Variants in SETBP1 observed in about 807,000 individuals in gnomAD.
SETBP1 encodes the protein SET binding protein 1.
SETBP1 carries 9 observed loss-of-function variants against 101.0 expected under a neutral mutation model. The ratio of observed to expected loss-of-function variants is 0.09; its 90% CI spans 0.05 to 0.16. The LOEUF is 0.16. Among genes scored for constraint, SETBP1 ranks in the 10% least tolerant of loss-of-function variants. The pLI is 1.00. For missense variants in SETBP1, 1,858 were observed against 2,033.8 expected, an observed-to-expected ratio of 0.91 and a Z score of 1.66; for synonymous variants, 818 against 788.5, an observed-to-expected ratio of 1.04 and a Z score of -0.63.
chr18:45,042,545 T>C (rs1350811327), intron 5 of SETBP1, among the ~76,000 whole-genome samples: 1 of 152,240 alleles, frequency 6.6e-6, no homozygotes, highest in African/African-American at 2.4e-5. Flanking sequence ...ATAGGTGATC[T>C]TTGGTAAAAG....
chr18:45,048,280 T>C (rs2073652080), intron 5 of SETBP1, among the ~76,000 whole-genome samples: 1 of 152,238 alleles, frequency 6.6e-6, no homozygotes, highest in Admixed American at 6.5e-5. Flanking sequence ...AAAAGTGATT[T>C]CTGCCTTCTA....
At chr18:45,035,027 AT>A (rs1269258691) in intron 4 of SETBP1, among the ~76,000 whole-genome samples, 5 of 148,888 alleles carry the variant, frequency 3.4e-5, no homozygotes, top group Admixed American at 2.7e-4. Context: ...GCTTTTGCTC[AT>A]CATAGAATAT....
intron 4 of SETBP1, among the ~76,000 whole-genome samples, chr18:44,991,702 A>T (rs2072382274): frequency 6.6e-6 from 1 of 152,210 alleles, no homozygotes; most frequent in South Asian, 2.1e-4. Flanking sequence ...GGAACATTTT[A>T]ACAAATCTTT....
intron 2 of SETBP1, among the ~76,000 whole-genome samples, chr18:44,771,961 A>T (rs2070884379): frequency 6.6e-6 from 1 of 152,206 alleles, no homozygotes; most frequent in South Asian, 2.1e-4. Flanking sequence ...GAAGAGAGTT[A>T]ATAAAACCTC....
chr18:44,903,501 G>T (rs2070101194), intron 3 of SETBP1, among the ~76,000 whole-genome samples: 1 of 152,204 alleles, frequency 6.6e-6, no homozygotes, highest in African/African-American at 2.4e-5. Context: ...AATCTACAGA[G>T]AGTCCAAGAT....
At chr18:44,947,488 C>T (rs1164356631) in intron 3 of SETBP1, among the ~76,000 whole-genome samples, 1 of 149,582 alleles carries the variant, frequency 6.7e-6, no homozygotes, top group Admixed American at 6.7e-5. Flanking sequence ...CACCGTTTGT[C>T]CCACTTTTTT....
chr18:45,038,733 A>G (rs2073450848), intron 5 of SETBP1, 78 bp downstream of exon 5: 4 of 1,475,288 alleles, frequency 2.7e-6, no homozygotes, highest in Non-Finnish European at 3.8e-6. Flanking sequence ...TGGCCTGTTG[A>G]ATACAGGTAA....
chr18:44,963,409 A>C (rs1398482945), intron 4 of SETBP1, among the ~76,000 whole-genome samples: 1 of 152,248 alleles, frequency 6.6e-6, no homozygotes, highest in African/African-American at 2.4e-5. Flanking sequence ...ACCTGGGGAA[A>C]GAGAACTTGA....
At position 45,009,278 on chromosome 18, in the gene SETBP1, C is replaced by T. The variant is rs553065006; in HGVS notation, c.4001-29207C>T. Among the ~76,000 whole-genome samples, 15 of 151,474 alleles carry T rather than the reference C, an allele frequency of 9.9e-5. No individual in the cohort carries two copies. The South Asian group carries it at 1.1e-3, about 11-fold the overall frequency. ...CTGGCTGCCAGGTTCCCTGTGGCAA[C>T]GCAGTGTACGCCAGGTTAGCAGCTT... On this transcript the variant is annotated intron_variant, in intron 4 of 5. Coordinates refer to ENST00000649279, the MANE Select transcript of SETBP1 (RefSeq NM_015559.3).
At chr18:44,902,252 CTG>C (rs1247841403) in intron 3 of SETBP1, among the ~76,000 whole-genome samples, 1 of 139,228 alleles carries the variant, frequency 7.2e-6, no homozygotes, top group Non-Finnish European at 1.6e-5. Context: ...CTCTCTCTCT[CTG>C]TCTCTTACAA....
chr18:45,033,836 A>G (rs576340751), intron 4 of SETBP1, among the ~76,000 whole-genome samples: 28 of 152,320 alleles, frequency 1.8e-4, no homozygotes, highest in African/African-American at 6.7e-4. Flanking sequence ...GAGAATCTAG[A>G]TCATCCCACC....
intron 1 of SETBP1, 58 bp downstream of exon 1, chr18:44,681,079 A>C (rs1297455446): frequency 6.6e-6 from 1 of 152,098 alleles, no homozygotes; most frequent in African/African-American, 2.4e-5. Flanking sequence ...AATCTTAATC[A>C]ATGGATTTGA....
chr18:45,043,653 A>T (rs940779749), intron 5 of SETBP1, among the ~76,000 whole-genome samples: 2 of 152,228 alleles, frequency 1.3e-5, no homozygotes, highest in African/African-American at 4.8e-5. Flanking sequence ...TTTAAATTTC[A>T]TAAGTCTGTT....
At chr18:44,715,529 T>G (rs2069443520) in intron 2 of SETBP1, among the ~76,000 whole-genome samples, 1 of 152,234 alleles carries the variant, frequency 6.6e-6, no homozygotes, top group South Asian at 2.1e-4. Context: ...AGTCAAGGGT[T>G]CTGGGTCCAA....
rs2072600646 is a variant in SETBP1 at position 45,000,791 on chromosome 18, A to AC, written c.4001-37693dup. On this transcript the variant is annotated intron_variant, in intron 4 of 5. Transcript: ENST00000649279. Reference sequence around the variant, plus strand: ...GAGCCATACATCAACGGGAATGCACACAACACACACACACACACACACACA... The same window carrying AC: ...GAGCCATACATCAACGGGAATGCACACCAACACACACACACACACACACACA... 8.3e-5 allele frequency among the ~76,000 whole-genome samples: 4 copies of AC among 47,922 alleles called. No individual in the cohort carries two copies. The South Asian group carries it at 4.5e-3, about 54-fold the overall frequency. 31.4% of individuals were successfully genotyped at this position (47,922 alleles called of 152,430 possible).
At chr18:44,870,535 C>T (rs1425609852) in intron 3 of SETBP1, 2 of 152,148 alleles carry the variant, frequency 1.3e-5, no homozygotes, top group Non-Finnish European at 2.9e-5. Context: ...GGCCAGTAAG[C>T]CTTTTTTGTC....
At chr18:44,937,309 G>A (rs1228672717) in intron 3 of SETBP1, among the ~76,000 whole-genome samples, 3 of 151,686 alleles carry the variant, frequency 2.0e-5, no homozygotes, top group African/African-American at 4.8e-5. Flanking sequence ...AAAAAAATTA[G>A]CCGGGCGTAG....
chr18:44,829,445 G>GT (rs1222135885), intron 2 of SETBP1, among the ~76,000 whole-genome samples: 1 of 152,028 alleles, frequency 6.6e-6, no homozygotes, highest in Non-Finnish European at 1.5e-5. Flanking sequence ...ATACTTAAAT[G>GT]TTTTTTGAAA....
rs144750023 is a variant in SETBP1, at chr18:44,851,943, G to A, written c.487-17287G>A. On this transcript the variant is annotated intron_variant, in intron 2 of 5. Transcript: ENST00000649279. Reference sequence around the variant, plus strand: ...ACCCTCTTTCTGAGTGCCAACAGCTGCCTGCCCCATGCCCCAGGCTCACGG... The same window carrying A: ...ACCCTCTTTCTGAGTGCCAACAGCTACCTGCCCCATGCCCCAGGCTCACGG... 9.3e-3 allele frequency among the ~76,000 whole-genome samples: 1,423 copies of A among 152,318 alleles called. 14 individuals are homozygous for A. The highest frequency in any genetic ancestry group is 0.015 in the Admixed American group (226 of 15,290).
Sources: gnomAD v4.1 joint callset for allele counts (sites outside exome capture counted in the v4.1 genomes callset) on GRCh38, gnomAD v4.1.1 for gene constraint, MANE v1.5 for transcripts, NCBI Gene and HGNC (gene_info 2026-07-23, HGNC 2026-07-21) for gene names.